Variants in MCHR2 observed in about 807,000 individuals in gnomAD.
The protein encoded by MCHR2 is melanin-concentrating hormone receptor 2.
MCHR2 carries 15 observed loss-of-function variants against 24.8 expected under a neutral mutation model. The observed-to-expected ratio is 0.60, with a 90% confidence interval of 0.40 to 0.93. The LOEUF is 0.93. Ranked by LOEUF, MCHR2 falls within the 40% of genes least tolerant of loss-of-function variation. MCHR2 has a pLI of 0.00. For synonymous variants in MCHR2, 151 were observed against 147.6 expected, an observed-to-expected ratio of 1.02 and a Z score of -0.17; for missense variants, 386 against 408.7, an observed-to-expected ratio of 0.94 and a Z score of 0.48.
chr6:99,951,085 G>A (rs1300988233), intron 2 of MCHR2, among the ~76,000 whole-genome samples: 1 of 152,100 alleles, frequency 6.6e-6, no homozygotes, highest in African/African-American at 2.4e-5. Context: ...GACTCCTGAG[G>A]ACTGAAAAAC....
chr6:99,988,571 C>T (rs1775808166), intron 1 of MCHR2, among the ~76,000 whole-genome samples: 1 of 152,098 alleles, frequency 6.6e-6, no homozygotes, highest in African/African-American at 2.4e-5. Context: ...CTAAAATAAT[C>T]TCAATTCATC....
chr6:99,984,148 A>T (rs186908599), intron 1 of MCHR2, among the ~76,000 whole-genome samples: 1 of 152,210 alleles, frequency 6.6e-6, no homozygotes, highest in Admixed American at 6.5e-5. Flanking sequence ...ATACATGCAC[A>T]TACACATATA....
At chr6:99,990,704 A>G (rs1228666795) in intron 1 of MCHR2, among the ~76,000 whole-genome samples, 1 of 152,058 alleles carries the variant, frequency 6.6e-6, no homozygotes, top group Non-Finnish European at 1.5e-5. Flanking sequence ...CTTTTCTATA[A>G]TCATAAACTT....
In MCHR2 at chr6:99,921,142, T is replaced by C; in HGVS notation, c.821A>G (p.Asn274Ser). The change falls in exon 6 of 6, where the codon AAC (asparagine) becomes AGC (serine). Residue 274 changes from asparagine to serine, a missense_variant. Asn to Ser is a conservative substitution (Grantham distance 46). Coordinates refer to ENST00000281806, the MANE Select transcript of MCHR2 (RefSeq NM_001040179.2). ...AAPYHVIQLV[N>S]LQMEQPTLAF... is the part of the protein sequence containing the mutation. ...CAGTGTGGGCTGTTCCATCTGTAAG[T>C]TCACCAGTTGTATCACATGATAAGG... The C allele has an allele frequency of 6.2e-7, 1 of 1,614,166 alleles. No individual in the cohort carries two copies.
intron 4 of MCHR2, among the ~76,000 whole-genome samples, chr6:99,941,298 G>T: frequency 7.9e-6 from 1 of 127,134 alleles, no homozygotes; most frequent in African/African-American, 3.0e-5. Context: ...CCACATATTT[G>T]AGTTCTGGAG....
chr6:99,976,353 T>G (rs1775551569), intron 1 of MCHR2, among the ~76,000 whole-genome samples: 1 of 152,232 alleles, frequency 6.6e-6, no homozygotes, highest in African/African-American at 2.4e-5. Flanking sequence ...TTTTTATGTC[T>G]GCACATTTTC....
chr6:99,955,146 T>A (rs1775035653), intron 2 of MCHR2, among the ~76,000 whole-genome samples: 1 of 152,128 alleles, frequency 6.6e-6, no homozygotes, highest in Non-Finnish European at 1.5e-5. Context: ...AAATTTAACA[T>A]CCTATAGTTA....
intron 5 of MCHR2, among the ~76,000 whole-genome samples, chr6:99,923,781 G>C (rs907785044): frequency 2.0e-5 from 3 of 152,014 alleles, no homozygotes; most frequent in African/African-American, 7.2e-5. Flanking sequence ...ACTTGGTCAT[G>C]ATGAATGAGA....
intron 1 of MCHR2, among the ~76,000 whole-genome samples, chr6:99,966,198 A>C (rs936494362): frequency 6.6e-5 from 10 of 152,202 alleles, no homozygotes; most frequent in African/African-American, 2.4e-4. Flanking sequence ...AAGGACTTTG[A>C]AAGTAAACTG....
At chr6:99,921,915 T>C (rs1774241150) in intron 5 of MCHR2, among the ~76,000 whole-genome samples, 1 of 152,210 alleles carries the variant, frequency 6.6e-6, no homozygotes, top group African/African-American at 2.4e-5. Context: ...CTTAACATAA[T>C]GACTTTCAGT....
intron 3 of MCHR2, among the ~76,000 whole-genome samples, chr6:99,944,857 CCTGCTG>C (rs1187639048): frequency 6.6e-6 from 1 of 152,160 alleles, no homozygotes; most frequent in Admixed American, 6.6e-5. Flanking sequence ...CCTGGTTCTG[CCTGCTG>C]CTCAAGCTGG....
intron 1 of MCHR2, among the ~76,000 whole-genome samples, chr6:99,974,891 C>A (rs1054379723): frequency 2.0e-5 from 3 of 152,026 alleles, no homozygotes; most frequent in African/African-American, 4.8e-5. Flanking sequence ...AACAGCAGAT[C>A]TTGGTGAACC....
chr6:99,956,464 T>G (rs1167268130), intron 1 of MCHR2, among the ~76,000 whole-genome samples: 1 of 152,162 alleles, frequency 6.6e-6, no homozygotes, highest in Non-Finnish European at 1.5e-5. Context: ...ATTTAGCTAG[T>G]ATATACTGGT....
At chr6:99,958,145 T>C (rs1028861066) in intron 1 of MCHR2, among the ~76,000 whole-genome samples, 2 of 151,936 alleles carry the variant, frequency 1.3e-5, no homozygotes, top group Non-Finnish European at 2.9e-5. Flanking sequence ...GACAAATAGG[T>C]CAAGGAAACA....
At chr6:99,981,623 C>T (rs1385724551) in intron 1 of MCHR2, among the ~76,000 whole-genome samples, 1 of 152,136 alleles carries the variant, frequency 6.6e-6, no homozygotes, top group Admixed American at 6.5e-5. Context: ...TTGCATAAGG[C>T]TGTTGTGAGG....
chr6:99,986,349 A>G (rs1775767928), intron 1 of MCHR2, among the ~76,000 whole-genome samples: 1 of 152,148 alleles, frequency 6.6e-6, no homozygotes, highest in Non-Finnish European at 1.5e-5. Context: ...GAAATCATGT[A>G]TCAAAAAGAC....
In MCHR2 at chr6:99,940,678, G is replaced by A. The variant is rs1001299030; in HGVS notation, c.587+2271C>T. 4.6e-5 allele frequency among the ~76,000 whole-genome samples: 7 copies of A among 151,982 alleles called. 1 individual carries two copies. Among genetic ancestry groups the A allele is most frequent in the African/African-American group, 1.7e-4 (7 of 41,388 alleles). ...TTTGCTATTTATTCCAGTCTTCTCT[G>A]TCTGAGTTGTTTTGGTTTTTATTTC... On this transcript the variant is annotated intron_variant, in intron 4 of 5. Transcript: ENST00000281806.
chr6:99,988,329 C>A (rs1775805218), intron 1 of MCHR2, among the ~76,000 whole-genome samples: 1 of 152,154 alleles, frequency 6.6e-6, no homozygotes, highest in Non-Finnish European at 1.5e-5. Context: ...CAAGGATGGT[C>A]CCCACAGGGA....
At chr6:99,982,344 T>C (rs1031299066) in intron 1 of MCHR2, among the ~76,000 whole-genome samples, 1 of 151,410 alleles carries the variant, frequency 6.6e-6, no homozygotes, top group African/African-American at 2.4e-5. Context: ...CAATCTTAAT[T>C]GGGGCCAGGC....
Sources: gnomAD v4.1 joint callset for allele counts (sites outside exome capture counted in the v4.1 genomes callset) on GRCh38, gnomAD v4.1.1 for gene constraint, MANE v1.5 for transcripts, NCBI Gene and HGNC (gene_info 2026-07-23, HGNC 2026-07-21) for gene names.